Variants in ACOX3 observed in about 807,000 individuals in gnomAD.
ACOX3 encodes acyl-CoA oxidase 3, pristanoyl.
ACOX3 carries 73 observed loss-of-function variants against 81.5 expected under a neutral mutation model. That is an observed-to-expected ratio of 0.90 (90% CI 0.74 to 1.09). The LOEUF (loss-of-function observed/expected upper bound fraction) is 1.09. Among genes scored for constraint, ACOX3 ranks in the 50% least tolerant of loss-of-function variants. The probability of loss-of-function intolerance (pLI) is 0.00; values close to 1 mark genes in which losing one functional copy is unlikely to be tolerated. For synonymous variants in ACOX3, 387 were observed against 375.1 expected (o/e 1.03, Z -0.37); for missense variants, 947 against 928.0 (o/e 1.02, Z -0.27).
chr4:8,391,013 GTGTATA>G (rs1264364205), intron 11 of ACOX3, among the ~76,000 whole-genome samples: 1 of 129,144 alleles, frequency 7.7e-6, no homozygotes, highest in African/African-American at 2.8e-5. Context: ...GTATATGTAT[GTGTATA>G]TGTATATGTA....
At chr4:8,358,827 C>A in the ACOX3 span, among the ~76,000 whole-genome samples, 1 of 152,192 alleles carries the variant, frequency 6.6e-6, no homozygotes, top group African/African-American at 2.4e-5. Flanking sequence ...CAAGAAATAA[C>A]CATAAAAATG....
intron 13 of ACOX3, among the ~76,000 whole-genome samples, chr4:8,388,523 A>C (rs1450764475): frequency 1.3e-5 from 2 of 152,234 alleles, no homozygotes; most frequent in East Asian, 3.9e-4. Context: ...CAGGCGCCTC[A>C]TTCCCAGCTC....
At position 8,366,690 on chromosome 4, in the gene ACOX3, T is replaced by G; in HGVS notation, c.*271A>C. The G allele has an allele frequency of 3.7e-6, 1 of 270,884 alleles. No individual in the cohort carries two copies. Among genetic ancestry groups the G allele is most frequent in the East Asian group, 7.6e-5 (1 of 13,200 alleles). 16.8% of individuals were successfully genotyped at this position (270,884 alleles called of 1,614,324 possible). A position where few individuals can be genotyped will look rare whatever the true frequency, so the allele number is the denominator to read the frequency against. On this transcript the variant is annotated 3_prime_UTR_variant, in exon 18 of 18. Transcript: ENST00000356406. The stretch of plus-strand genomic sequence containing the variant: ...GAAAACTGAATGTGCGAAATTCTAA[T>G]TATCAAAAAACCCACGGCGCATCAG...
intron 5 of ACOX3, among the ~76,000 whole-genome samples, chr4:8,412,358 A>G (rs1721819824): frequency 6.6e-6 from 1 of 152,232 alleles, no homozygotes; most frequent in Non-Finnish European, 1.5e-5. Context: ...TCTTCCATGC[A>G]GTACCCCAGG....
chr4:8,393,304 G>GGGCAACAGA (rs368943614), intron 10 of ACOX3, among the ~76,000 whole-genome samples: 7 of 138,074 alleles, frequency 5.1e-5, no homozygotes, highest in African/African-American at 5.9e-5. Flanking sequence ...TGGGCAACAT[G>GGGCAACAGA]GTGACACCCT....
intron 1 of ACOX3, among the ~76,000 whole-genome samples, chr4:8,422,799 G>T (rs1037093759): frequency 2.6e-5 from 4 of 152,152 alleles, no homozygotes; most frequent in Non-Finnish European, 5.9e-5. Context: ...AAAGGGAAAC[G>T]CTGGGCAAAT....
chr4:8,361,301 C>T (rs1715227095), downstream of ACOX3, among the ~76,000 whole-genome samples: 2 of 151,500 alleles, frequency 1.3e-5, no homozygotes, highest in South Asian at 4.2e-4. Context: ...TTGTGGGCGC[C>T]TGTAGTCCCA....
chr4:8,361,961 G>A (rs778384194), downstream of ACOX3, among the ~76,000 whole-genome samples: 1 of 152,196 alleles, frequency 6.6e-6, no homozygotes. Flanking sequence ...CTTACTGTAT[G>A]TTATTAATAA....
chr4:8,393,938 G>A (rs1203176572), intron 10 of ACOX3, among the ~76,000 whole-genome samples: 3 of 152,204 alleles, frequency 2.0e-5, no homozygotes, highest in Admixed American at 2.0e-4. Flanking sequence ...CATCAATCCT[G>A]CAGGTCATCC....
downstream of ACOX3, among the ~76,000 whole-genome samples, chr4:8,365,932 C>T (rs1715395231): frequency 6.6e-6 from 1 of 152,180 alleles, no homozygotes; most frequent in Non-Finnish European, 1.5e-5. Flanking sequence ...CTGAGACATG[C>T]TGGGTTACAT....
At position 8,382,427 on chromosome 4, in the gene ACOX3, C is replaced by G. The variant is rs540532087; in HGVS notation, c.1538-820G>C. Among the ~76,000 whole-genome samples, 1 of 152,314 alleles carries G rather than the reference C, an allele frequency of 6.6e-6. No homozygotes were observed. Among genetic ancestry groups the G allele is most frequent in the Admixed American group, 6.5e-5 (1 of 15,306 alleles). ...CTGATGAGGACACGGGCCCAGGGAC[C>G]CAGGTACATGGCGAGCATGTGAGGG... On this transcript the variant is annotated intron_variant, in intron 13 of 17. Coordinates refer to ENST00000356406, the MANE Select transcript of ACOX3 (RefSeq NM_003501.3). The surrounding 1 kb of genome is among the most constrained non-coding windows in gnomAD (Gnocchi z 4.1).
chr4:8,403,887 T>C (rs888181417), intron 7 of ACOX3, among the ~76,000 whole-genome samples: 13 of 152,294 alleles, frequency 8.5e-5, no homozygotes, highest in Admixed American at 2.0e-4. Flanking sequence ...GGCCACCCAC[T>C]GGATGTGACA....
At position 8,419,026 on chromosome 4, in the gene ACOX3, T is replaced by C. The variant is rs1002088955; in HGVS notation, c.-14-2491A>G. On this transcript the variant is annotated intron_variant, in intron 1 of 17. Transcript: ENST00000356406. This position sits in a 1 kb window ranked among gnomAD's most constrained non-coding sequence, Gnocchi z 4.2. ...ATACTAAAATACTAAATGCCGGCTA[T>C]AGTGGCACGTGCCTGTGGTCCCAGC... is the stretch of plus-strand genomic sequence containing the variant. Among the ~76,000 whole-genome samples the C allele has an allele frequency of 6.6e-6, 1 of 151,906 alleles. No homozygotes were observed. Among genetic ancestry groups the C allele is most frequent in the African/African-American group, 2.4e-5 (1 of 41,322 alleles).
rs899626267 is a variant in ACOX3 at position 8,384,837 on chromosome 4, G to A, written c.1538-3230C>T. Among the ~76,000 whole-genome samples the A allele has an allele frequency of 6.6e-6, 1 of 152,168 alleles. No individual in the cohort carries two copies. The highest frequency in any genetic ancestry group is 1.5e-5 in the Non-Finnish European group (1 of 68,012). ...ACTCCTCAGCCAGATCACAGGCCCGGGTCTGACCATGCCCGCCGCTCTGGT... is the reference window on the plus strand; with the variant it reads ...ACTCCTCAGCCAGATCACAGGCCCGAGTCTGACCATGCCCGCCGCTCTGGT... On this transcript the variant is annotated intron_variant, in intron 13 of 17. Transcript: ENST00000356406. This position sits in a 1 kb window ranked among gnomAD's most constrained non-coding sequence, Gnocchi z 5.3.
Position 8,366,731 on chromosome 4 carries a change from T to C in ACOX3, c.*230A>G. 1 of 446,414 alleles carries C rather than the reference T, an allele frequency of 2.2e-6. No individual in the cohort carries two copies. The highest frequency in any genetic ancestry group is 4.0e-6 in the Non-Finnish European group (1 of 247,944). The allele number at this position is 446,414 out of a possible 1,614,324, so 27.7% of individuals were successfully genotyped here. A position where few individuals can be genotyped will look rare whatever the true frequency, so the allele number is the denominator to read the frequency against. ...GGCGCATCAGGTAGACATGATCATC[T>C]GCATTTCTTTTCCACGCTGCAAATC... On this transcript the variant is annotated 3_prime_UTR_variant, in exon 18 of 18. Transcript: ENST00000356406.
chr4:8,408,059 A>T (rs1260517340), intron 6 of ACOX3, among the ~76,000 whole-genome samples: 1 of 152,202 alleles, frequency 6.6e-6, no homozygotes, highest in Non-Finnish European at 1.5e-5. Context: ...TTAGAGACAC[A>T]TGGAGGTGGT....
intron 3 of ACOX3, 111 bp from the exon 4 acceptor site, chr4:8,415,039 G>T: frequency 1.0e-6 from 1 of 993,528 alleles, no homozygotes; most frequent in Non-Finnish European, 1.6e-6. Flanking sequence ...CTGGTTCCCT[G>T]CCACACTGCA....
chr4:8,427,162 T>G (rs1303352893), intron 1 of ACOX3, among the ~76,000 whole-genome samples: 2 of 152,054 alleles, frequency 1.3e-5, no homozygotes, highest in African/African-American at 4.8e-5. Flanking sequence ...GAGAGCTCAC[T>G]AAAATACCAA....
intron 1 of ACOX3, among the ~76,000 whole-genome samples, chr4:8,426,859 C>T (rs940904350): frequency 1.3e-5 from 2 of 152,168 alleles, no homozygotes; most frequent in African/African-American, 4.8e-5. Flanking sequence ...CCTGGACTGG[C>T]CTGCTAGCCC....
Sources: allele counts gnomAD v4.1 joint callset (sites outside exome capture counted in the v4.1 genomes callset), GRCh38; gene constraint gnomAD v4.1.1; non-coding constraint Gnocchi (gnomAD v3.1); transcripts MANE v1.5; gene names NCBI Gene and HGNC (gene_info 2026-07-23, HGNC 2026-07-21).